The following RORA variants were observed in gnomAD, a reference collection of about 807,000 sequenced individuals.
The protein encoded by RORA is RAR related orphan receptor A.
In RORA, 7 loss-of-function variants were observed where a neutral mutation model predicts 69.5. The observed-to-expected ratio is 0.10, with a 90% CI of 0.06 to 0.19. RORA has a LOEUF of 0.19. RORA is among the 10% of genes least tolerant of loss of function. The pLI is 1.00. For synonymous variants in RORA, 261 were observed against 240.8 expected, an observed-to-expected ratio of 1.08 and a Z score of -0.78; for missense variants, 457 against 663.0, an observed-to-expected ratio of 0.69 and a Z score of 3.41.
At chr15:61,094,953 A>T (rs1288539862) in intron 1 of RORA, among the ~76,000 whole-genome samples, 2 of 152,238 alleles carry the variant, frequency 1.3e-5, no homozygotes, top group Non-Finnish European at 2.9e-5. Context: ...GGATTCCAGG[A>T]AAAAAGCACT....
intron 1 of RORA, among the ~76,000 whole-genome samples, chr15:61,174,509 G>C (rs1464038349): frequency 6.6e-6 from 1 of 152,166 alleles, no homozygotes; most frequent in African/African-American, 2.4e-5. Flanking sequence ...GCAAAAGAGG[G>C]GCGGGAAATG....
chr15:61,066,418 C>CTTTTTTTTTTTTTTTTTTTT (rs1168663714), intron 1 of RORA, among the ~76,000 whole-genome samples: 23 of 80,964 alleles, frequency 2.8e-4, no homozygotes, highest in Non-Finnish European at 3.2e-4. Context: ...GGGCATATTC[C>CTTTTTTTTTTTTTTTTTTTT]TTTTTTTTTT....
At chr15:61,227,970 A>G (rs2140954341) in intron 1 of RORA, among the ~76,000 whole-genome samples, 1 of 152,284 alleles carries the variant, frequency 6.6e-6, no homozygotes, top group African/African-American at 2.4e-5. Context: ...AGAAAGAGTG[A>G]GCTTTCCTCA....
rs566128370 is a variant in RORA at position 60,950,023 on chromosome 15, A to G, written c.167-271337T>C. On this transcript the variant is annotated intron_variant, in intron 1 of 10. Transcript: ENST00000335670. ...AAGTTGAAATGAAGGAAAAAATGTT[A>G]AGGGCAGCCAGAGAGAAAGGTCGGG... is the stretch of plus-strand genomic sequence containing the variant. Among the ~76,000 whole-genome samples, 632 of 152,030 alleles carry G rather than the reference A, an allele frequency of 4.2e-3. 5 individuals are homozygous for G. The highest frequency in any genetic ancestry group is 0.014 in the African/African-American group (590 of 41,496).
chr15:61,205,143 C>T (rs927773910), intron 1 of RORA, among the ~76,000 whole-genome samples: 1 of 152,080 alleles, frequency 6.6e-6, no homozygotes, highest in Non-Finnish European at 1.5e-5. Context: ...GAGAAGAGTC[C>T]ATGGTAATAA....
chr15:60,903,647 C>A (rs1281219454), intron 1 of RORA, among the ~76,000 whole-genome samples: 1 of 152,184 alleles, frequency 6.6e-6, no homozygotes, highest in Non-Finnish European at 1.5e-5. Context: ...AATTTTACAC[C>A]GTGCTAGCCC....
At chr15:61,010,734 C>T (rs1895060523) in intron 1 of RORA, among the ~76,000 whole-genome samples, 2 of 152,140 alleles carry the variant, frequency 1.3e-5, no homozygotes, top group Admixed American at 1.3e-4. Context: ...CATATTAGGA[C>T]TTAGTTGCAA....
At chr15:60,982,718 T>C in intron 1 of RORA, among the ~76,000 whole-genome samples, 1 of 152,226 alleles carries the variant, frequency 6.6e-6, no homozygotes, top group Non-Finnish European at 1.5e-5. Context: ...ACAGTTTTGC[T>C]TTTTTCATTA....
intron 2 of RORA, among the ~76,000 whole-genome samples, chr15:60,642,408 G>C (rs1210342836): frequency 6.6e-6 from 1 of 152,214 alleles, no homozygotes; most frequent in Non-Finnish European, 1.5e-5. Flanking sequence ...GGTCCAGTCA[G>C]TGTAGGACAT....
intron 1 of RORA, among the ~76,000 whole-genome samples, chr15:61,025,567 TA>T (rs1187786674): frequency 6.6e-6 from 1 of 152,162 alleles, no homozygotes; most frequent in Non-Finnish European, 1.5e-5. Flanking sequence ...GAAGAGAATA[TA>T]AGGGTGAACA....
intron 1 of RORA, among the ~76,000 whole-genome samples, chr15:60,852,216 G>A (rs566673994): frequency 1.3e-5 from 2 of 152,296 alleles, no homozygotes; most frequent in East Asian, 1.9e-4. Context: ...TGTGTCTGGC[G>A]TGGTCGGGTG....
chr15:61,152,843 C>A (rs143284828), intron 1 of RORA, among the ~76,000 whole-genome samples: 471 of 152,286 alleles, frequency 3.1e-3, no homozygotes, highest in Non-Finnish European at 5.7e-3. Flanking sequence ...ATAAGCAACT[C>A]CCTACAGAAT....
At chr15:60,865,075 T>TC (rs1482936225) in intron 1 of RORA, among the ~76,000 whole-genome samples, 2 of 152,224 alleles carry the variant, frequency 1.3e-5, no homozygotes, top group African/African-American at 4.8e-5. Flanking sequence ...TATGTTTAGA[T>TC]CCTGGTTCTC....
At position 60,558,191 on chromosome 15, in the gene RORA, G is replaced by A. The variant is rs2067424586; in HGVS notation, c.197-26340C>T. On this transcript the variant is annotated intron_variant, in intron 2 of 10. Transcript: ENST00000335670. ...GCCACATCTCCATGGTCTCTGGATG[G>A]AGGACAGGTCAGGAGGCCTTTGGAT... 2.0e-6 allele frequency: 3 copies of A among 1,467,190 alleles called. No individual in the cohort carries two copies. In the East Asian group the frequency reaches 6.8e-5, roughly 33 times the overall value. 90.9% of individuals were successfully genotyped at this position (1,467,190 alleles called of 1,614,324 possible).
chr15:60,783,947 C>T (rs1470336708), intron 1 of RORA, among the ~76,000 whole-genome samples: 1 of 152,196 alleles, frequency 6.6e-6, no homozygotes, highest in Non-Finnish European at 1.5e-5. Flanking sequence ...AAACCATTCC[C>T]ACAATTAGTT....
chr15:61,207,990 T>A (rs968715885), intron 1 of RORA, among the ~76,000 whole-genome samples: 1 of 152,214 alleles, frequency 6.6e-6, no homozygotes, highest in Non-Finnish European at 1.5e-5. Flanking sequence ...GCCAGCTCAA[T>A]CTACTGACTT....
At chr15:60,933,776 C>T (rs570588460) in intron 1 of RORA, among the ~76,000 whole-genome samples, 6 of 152,310 alleles carry the variant, frequency 3.9e-5, no homozygotes, top group African/African-American at 1.4e-4. Context: ...CCAGAGGTGG[C>T]TGCACATCAG....
intron 1 of RORA, among the ~76,000 whole-genome samples, chr15:61,157,891 A>C (rs1815827340): frequency 6.6e-6 from 1 of 152,144 alleles, no homozygotes; most frequent in African/African-American, 2.4e-5. Context: ...CAGATTAGTA[A>C]AATTCCATAA....
intron 1 of RORA, among the ~76,000 whole-genome samples, chr15:61,135,431 T>C (rs2079228708): frequency 6.6e-6 from 1 of 152,110 alleles, no homozygotes; most frequent in Admixed American, 6.5e-5. Flanking sequence ...ATAGTATCTA[T>C]TCTACTTACA....
Sources: allele counts gnomAD v4.1 joint callset (sites outside exome capture counted in the v4.1 genomes callset), GRCh38; gene constraint gnomAD v4.1.1; transcripts MANE v1.5; gene names NCBI Gene and HGNC (gene_info 2026-07-23, HGNC 2026-07-21).